The following PRKAR2B variants were observed in gnomAD, a reference collection of about 807,000 sequenced individuals.
PRKAR2B encodes protein kinase cAMP-dependent type II regulatory subunit beta.
In PRKAR2B, 14 loss-of-function variants were observed where a neutral mutation model predicts 49.9. The observed-to-expected ratio is 0.28, with a 90% CI of 0.19 to 0.44. The LOEUF (loss-of-function observed/expected upper bound fraction) is 0.44, where lower values mean the gene tolerates loss of function less well. Among genes scored for constraint, PRKAR2B ranks in the 20% least tolerant of loss-of-function variants. The probability of loss-of-function intolerance (pLI) is 1.00; values close to 1 mark genes in which losing one functional copy is unlikely to be tolerated. For synonymous variants in PRKAR2B, 196 were observed against 197.7 expected (o/e 0.99, Z 0.07); for missense variants, 393 against 537.9 (o/e 0.73, Z 2.67).
At chr7:107,092,152 G>C (rs542741799) in intron 2 of PRKAR2B, among the ~76,000 whole-genome samples, 6 of 152,056 alleles carry the variant, frequency 3.9e-5, no homozygotes, top group Admixed American at 1.3e-4. Flanking sequence ...CTAAATATAG[G>C]TTTGGATCAG....
In PRKAR2B at chr7:107,137,099, A is replaced by G. The variant is rs542379511; in HGVS notation, c.481-3748A>G. On this transcript the variant is annotated intron_variant, in intron 4 of 10. Transcript: ENST00000265717. Reference sequence around the variant, plus strand: ...ACTATTTAACGTTCTGGAAAAGGCAAAATTATTTGCAAGGCAGCCCTTGTC... The same window carrying G: ...ACTATTTAACGTTCTGGAAAAGGCAGAATTATTTGCAAGGCAGCCCTTGTC... Among the ~76,000 whole-genome samples the G allele has an allele frequency of 7.2e-5, 11 of 152,304 alleles. No individual in the cohort carries two copies. The South Asian group carries it at 1.9e-3, about 26-fold the overall frequency.
At chr7:107,092,488 G>C (rs1170072864) in intron 2 of PRKAR2B, among the ~76,000 whole-genome samples, 1 of 151,950 alleles carries the variant, frequency 6.6e-6, no homozygotes, top group Non-Finnish European at 1.5e-5. Context: ...AGTGTGTGTG[G>C]ACTAAGAGGA....
intron 2 of PRKAR2B, among the ~76,000 whole-genome samples, chr7:107,112,399 T>G (rs1340264435): frequency 6.6e-6 from 1 of 151,992 alleles, no homozygotes; most frequent in African/African-American, 2.4e-5. Context: ...TCACAAATCT[T>G]GATTTAAGTC....
At chr7:107,090,388 G>A (rs1794714444) in intron 2 of PRKAR2B, among the ~76,000 whole-genome samples, 1 of 152,162 alleles carries the variant, frequency 6.6e-6, no homozygotes, top group African/African-American at 2.4e-5. Flanking sequence ...CAAAATCCCA[G>A]GAAAGCATTC....
chr7:107,087,252 A>G (rs989679356), intron 2 of PRKAR2B, among the ~76,000 whole-genome samples: 6 of 152,034 alleles, frequency 3.9e-5, no homozygotes, highest in African/African-American at 9.7e-5. Context: ...TCCATCAAAT[A>G]TGGACTTTTT....
chr7:107,089,075 A>G (rs1245145378), intron 2 of PRKAR2B, among the ~76,000 whole-genome samples: 1 of 152,068 alleles, frequency 6.6e-6, no homozygotes, highest in Non-Finnish European at 1.5e-5. Flanking sequence ...AGGCTGAGGC[A>G]GGAGAATTGC....
intron 8 of PRKAR2B, among the ~76,000 whole-genome samples, chr7:107,154,890 A>G (rs935618972): frequency 6.6e-6 from 1 of 152,184 alleles, no homozygotes; most frequent in Non-Finnish European, 1.5e-5. Flanking sequence ...CTTGAAATGG[A>G]ATGTCAGTAG....
chr7:107,071,063 AAAC>A (rs1794259164), intron 2 of PRKAR2B, among the ~76,000 whole-genome samples: 2 of 152,220 alleles, frequency 1.3e-5, no homozygotes, highest in African/African-American at 4.8e-5. Context: ...GCATTGAGAT[AAAC>A]TATTATTTAG....
chr7:107,054,976 C>A (rs1793882179), intron 1 of PRKAR2B, among the ~76,000 whole-genome samples: 2 of 152,026 alleles, frequency 1.3e-5, no homozygotes, highest in African/African-American at 4.8e-5. Context: ...CCCAACCCCA[C>A]AACAGGCCCC....
chr7:107,096,968 G>A (rs1794851010), intron 2 of PRKAR2B, among the ~76,000 whole-genome samples: 1 of 152,176 alleles, frequency 6.6e-6, no homozygotes, highest in Admixed American at 6.5e-5. Flanking sequence ...ATGTGGTGCT[G>A]AGAAGAATGT....
intron 2 of PRKAR2B, among the ~76,000 whole-genome samples, chr7:107,107,134 C>T (rs1346384946): frequency 6.6e-6 from 1 of 152,092 alleles, no homozygotes; most frequent in African/African-American, 2.4e-5. Context: ...GTCAGGAGTT[C>T]GAGACCAGCC....
chr7:107,122,704 G>T (rs1795410001), intron 3 of PRKAR2B, among the ~76,000 whole-genome samples: 1 of 151,742 alleles, frequency 6.6e-6, no homozygotes, highest in Admixed American at 6.6e-5. Context: ...ACTTATTTTT[G>T]TAGCTCTGAA....
At chr7:107,155,568 T>G (rs1358418417) in intron 8 of PRKAR2B, among the ~76,000 whole-genome samples, 1 of 152,214 alleles carries the variant, frequency 6.6e-6, no homozygotes, top group East Asian at 1.9e-4. Flanking sequence ...CCATTCTGAC[T>G]GGCGTGAGAT....
intron 3 of PRKAR2B, among the ~76,000 whole-genome samples, chr7:107,123,817 G>T (rs972383024): frequency 7.9e-5 from 12 of 152,088 alleles, no homozygotes; most frequent in Admixed American, 4.6e-4. Context: ...ATATTTAATA[G>T]TTTTTTTGTT....
At chr7:107,117,354 A>G (rs1407860598) in intron 2 of PRKAR2B, among the ~76,000 whole-genome samples, 1 of 152,146 alleles carries the variant, frequency 6.6e-6, no homozygotes, top group Non-Finnish European at 1.5e-5. Flanking sequence ...GCTAATTATT[A>G]TTTAAATAAG....
intron 2 of PRKAR2B, among the ~76,000 whole-genome samples, chr7:107,083,203 C>T (rs1307636406): frequency 6.8e-6 from 1 of 147,490 alleles, no homozygotes; most frequent in African/African-American, 2.5e-5. Context: ...GGCAACAGAG[C>T]GAGACTGTCT....
chr7:107,118,635 C>T (rs1268667351), intron 2 of PRKAR2B, among the ~76,000 whole-genome samples: 1 of 152,104 alleles, frequency 6.6e-6, no homozygotes. Flanking sequence ...GAGCTCGTCC[C>T]ACTGTATTGC....
chr7:107,153,087 G>T, intron 7 of PRKAR2B, 90 bp from the exon 8 acceptor site: 3 of 799,806 alleles, frequency 3.8e-6, no homozygotes, highest in Non-Finnish European at 6.0e-6. Flanking sequence ...GATTTATTTG[G>T]CCTATAGGCT....
intron 2 of PRKAR2B, among the ~76,000 whole-genome samples, chr7:107,116,363 A>G (rs1044412013): frequency 8.6e-5 from 13 of 152,036 alleles, no homozygotes; most frequent in African/African-American, 2.9e-4. Flanking sequence ...TTCCTCCGGC[A>G]CTTTGTAGAT....
Sources: gnomAD v4.1 joint callset for allele counts (sites outside exome capture counted in the v4.1 genomes callset) on GRCh38, gnomAD v4.1.1 for gene constraint, MANE v1.5 for transcripts, NCBI Gene and HGNC (gene_info 2026-07-23, HGNC 2026-07-21) for gene names.